LEKR1: variants seen among roughly 807,000 people sequenced by gnomAD.
The protein encoded by LEKR1 is leucine, glutamate and lysine rich 1, also known as protein LEKR1.
Under a neutral mutation model 72.4 loss-of-function variants are expected in LEKR1, and 59 were observed. The observed-to-expected ratio is 0.82, with a 90% confidence interval of 0.66 to 1.01. The LOEUF (loss-of-function observed/expected upper bound fraction) is 1.01, where lower values mean the gene tolerates loss of function less well. LEKR1 is among the 50% of genes least tolerant of loss of function. The pLI, the probability that LEKR1 is intolerant of heterozygous loss-of-function variation, is 0.00. For synonymous variants in LEKR1, 257 were observed against 263.2 expected (o/e 0.98, Z 0.23); for missense variants, 728 against 759.2 (o/e 0.96, Z 0.48).
At chr3:156,918,439 T>C (rs1332228700) in intron 3 of LEKR1, among the ~76,000 whole-genome samples, 2 of 152,186 alleles carry the variant, frequency 1.3e-5, no homozygotes. Context: ...GTTATTCTCC[T>C]GTTCCTGGCC....
At chr3:156,965,152 G>A (rs1007428085) in intron 6 of LEKR1, among the ~76,000 whole-genome samples, 2 of 151,950 alleles carry the variant, frequency 1.3e-5, no homozygotes, top group Non-Finnish European at 2.9e-5. Flanking sequence ...CTATGTGATA[G>A]GTAAAGTATT....
intron 6 of LEKR1, among the ~76,000 whole-genome samples, chr3:156,971,630 A>C (rs569455109): frequency 0.02 from 2,980 of 152,284 alleles, 46 homozygotes; most frequent in Non-Finnish European, 0.027. Context: ...CAAAGAACTC[A>C]AACAAATTTA....
intron 12 of LEKR1, among the ~76,000 whole-genome samples, chr3:157,043,063 T>C (rs944437929): frequency 1.3e-5 from 2 of 152,136 alleles, no homozygotes; most frequent in African/African-American, 4.8e-5. Flanking sequence ...TCATGAGATC[T>C]GGTTGTTTAA....
intron 12 of LEKR1, among the ~76,000 whole-genome samples, chr3:157,043,399 G>C (rs980855217): frequency 6.6e-6 from 1 of 150,792 alleles, no homozygotes; most frequent in Non-Finnish European, 1.5e-5. Context: ...AAGAAACTTT[G>C]ATTAATAGAA....
Position 156,920,582 on chromosome 3 carries a change from GA to G in LEKR1, c.272del (p.Asp91ValfsTer2). The G allele has an allele frequency of 2.1e-6, 3 of 1,455,998 alleles. No individual in the cohort carries two copies. The highest frequency in any genetic ancestry group is 2.8e-6 in the Non-Finnish European group (3 of 1,086,700). 90.2% of individuals were successfully genotyped at this position (1,455,998 alleles called of 1,614,324 possible). A position where few individuals can be genotyped will look rare whatever the true frequency, so the allele number is the denominator to read the frequency against. On this transcript the variant is annotated frameshift_variant, in exon 4 of 13. Coordinates refer to ENST00000356539, the MANE Select transcript of LEKR1 (RefSeq NM_001004316.3). LOFTEE classifies it high-confidence loss of function. The part of the protein sequence containing the change: ...DNKSKTERIY[D>X]VGMQLKSQQN... ...GTTTGTTTATATTTTTAGAATTTAC[GA>G]TGTAGGCATGCAGTTAAAAAGTCAA... is the stretch of plus-strand genomic sequence containing the variant.
At chr3:156,922,058 G>T (rs1378289073) in intron 4 of LEKR1, among the ~76,000 whole-genome samples, 2 of 152,168 alleles carry the variant, frequency 1.3e-5, no homozygotes. Context: ...AGGAGTCTGG[G>T]ATCTGACTTA....
intron 7 of LEKR1, among the ~76,000 whole-genome samples, chr3:156,991,009 A>C (rs1484017769): frequency 6.6e-6 from 1 of 152,196 alleles, no homozygotes; most frequent in African/African-American, 2.4e-5. Context: ...GCAGTGTATT[A>C]TATGTCAATA....
chr3:156,847,343 A>G lies in LEKR1; in HGVS notation c.49-5425A>G, dbSNP rs548558412. Among the ~76,000 whole-genome samples, 13 of 152,354 alleles carry G rather than the reference A, an allele frequency of 8.5e-5. No homozygotes were observed. In the South Asian group the frequency reaches 2.3e-3, roughly 27 times the overall value. The stretch of plus-strand genomic sequence containing the variant: ...TCAAATGGTTCTACATTTGTTTAAT[A>G]TATTGCATTTGTTAATGTCTCCTCC... On this transcript the variant is annotated intron_variant, in intron 2 of 12. Coordinates refer to ENST00000356539, the MANE Select transcript of LEKR1 (RefSeq NM_001004316.3).
chr3:156,844,053 C>T (rs1714267136), intron 2 of LEKR1, among the ~76,000 whole-genome samples: 1 of 151,956 alleles, frequency 6.6e-6, no homozygotes, highest in Non-Finnish European at 1.5e-5. Context: ...AATACTTTTG[C>T]CAACTGACCA....
intron 3 of LEKR1, among the ~76,000 whole-genome samples, chr3:156,919,345 TA>T (rs968038108): frequency 6.7e-6 from 1 of 148,576 alleles, no homozygotes; most frequent in African/African-American, 2.6e-5. Context: ...GTTTAAGGTC[TA>T]CTTTGTATTA....
intron 6 of LEKR1, among the ~76,000 whole-genome samples, chr3:156,964,207 T>C (rs1728362006): frequency 1.3e-5 from 2 of 152,204 alleles, no homozygotes; most frequent in South Asian, 2.1e-4. Context: ...TTCTAGACTT[T>C]ATTGTTTGAA....
At chr3:156,904,443 A>G (rs1214359823) in intron 3 of LEKR1, among the ~76,000 whole-genome samples, 1 of 148,410 alleles carries the variant, frequency 6.7e-6, no homozygotes, top group South Asian at 2.1e-4. Context: ...TTTTTAAAAT[A>G]TTTTTATTTT....
chr3:156,887,020 C>T (rs750132406), intron 3 of LEKR1, among the ~76,000 whole-genome samples: 3 of 152,130 alleles, frequency 2.0e-5, no homozygotes, highest in Non-Finnish European at 4.4e-5. Context: ...TGTCTCCTAC[C>T]TGCCATTTTA....
At chr3:156,855,115 A>G (rs571842133) in intron 3 of LEKR1, among the ~76,000 whole-genome samples, 2 of 152,216 alleles carry the variant, frequency 1.3e-5, no homozygotes, top group South Asian at 4.1e-4. Context: ...TACATGTAGT[A>G]TTTGTATTTA....
chr3:156,918,600 A>G lies in LEKR1; in HGVS notation c.264-1975A>G, dbSNP rs1723884897. 3.9e-5 allele frequency among the ~76,000 whole-genome samples: 6 copies of G among 152,246 alleles called. 1 individual carries two copies. The South Asian group carries it at 1.2e-3, about 32-fold the overall frequency. On this transcript the variant is annotated intron_variant, in intron 3 of 12. Coordinates refer to ENST00000356539, the MANE Select transcript of LEKR1 (RefSeq NM_001004316.3). ...AACTGATTACCAATGCATTTGTTTT[A>G]TGTGAGATTATATATATATTTATGC...
chr3:157,014,758 CT>C (rs1733175229), intron 10 of LEKR1, among the ~76,000 whole-genome samples: 1 of 151,994 alleles, frequency 6.6e-6, no homozygotes. Flanking sequence ...AACCACTAAT[CT>C]AGATAACAAA....
At chr3:156,940,873 A>T (rs1168005743) in intron 5 of LEKR1, among the ~76,000 whole-genome samples, 1 of 152,102 alleles carries the variant, frequency 6.6e-6, no homozygotes, top group Non-Finnish European at 1.5e-5. Flanking sequence ...TAAATAGGTG[A>T]CACCACGTGT....
At chr3:156,856,526 A>G (rs1716081033) in intron 3 of LEKR1, among the ~76,000 whole-genome samples, 1 of 152,102 alleles carries the variant, frequency 6.6e-6, no homozygotes, top group Non-Finnish European at 1.5e-5. Flanking sequence ...TTTCTAGAGC[A>G]GTTATATTAT....
At chr3:157,038,396 A>T (rs1054216291) in intron 12 of LEKR1, among the ~76,000 whole-genome samples, 2 of 152,246 alleles carry the variant, frequency 1.3e-5, no homozygotes, top group Non-Finnish European at 2.9e-5. Context: ...TATGCCTGTT[A>T]GATACCCAAG....
Sources: gnomAD v4.1 joint callset for allele counts (sites outside exome capture counted in the v4.1 genomes callset) on GRCh38, gnomAD v4.1.1 for gene constraint, MANE v1.5 for transcripts, NCBI Gene and HGNC (gene_info 2026-07-23, HGNC 2026-07-21) for gene names.